PTP4A3: variants seen among roughly 807,000 people sequenced by gnomAD.
PTP4A3 encodes the protein protein tyrosine phosphatase type IVA 3.
A neutral mutation model predicts 15.2 loss-of-function variants in PTP4A3; 9 were observed. The ratio of observed to expected loss-of-function variants is 0.59; its 90% confidence interval spans 0.36 to 1.03. The LOEUF is 1.03. Among genes scored for constraint, PTP4A3 ranks in the 50% least tolerant of loss-of-function variants. The pLI, the probability that PTP4A3 is intolerant of heterozygous loss-of-function variation, is 0.02. For missense variants in PTP4A3, 234 were observed against 252.1 expected, an observed-to-expected ratio of 0.93 and a Z score of 0.49; for synonymous variants, 95 against 102.0, an observed-to-expected ratio of 0.93 and a Z score of 0.41.
At chr8:141,400,280 C>T (rs138542266) in intron 1 of PTP4A3, among the ~76,000 whole-genome samples, 2,977 of 151,594 alleles carry the variant, frequency 0.02, 83 homozygotes, top group African/African-American at 0.066. Context: ...GCCCGGCCCA[C>T]ATCTGTGCCC....
rs954480246 is a variant in PTP4A3 at position 141,422,096 on chromosome 8, G to A, written c.-145G>A. On this transcript the variant is annotated 5_prime_UTR_variant, in exon 2 of 6. Transcript: ENST00000521578. ...GCACAATATTTGTGCGGGGTATGGG[G>A]GTGGGTTTTTAAATCTCGTTTCTCT... The A allele has an allele frequency of 1.4e-6, 1 of 704,692 alleles. No individual in the cohort carries two copies. Among genetic ancestry groups the A allele is most frequent in the South Asian group, 1.8e-5 (1 of 55,748 alleles). 43.7% of individuals were successfully genotyped at this position (704,692 alleles called of 1,614,324 possible).
intron 1 of PTP4A3, among the ~76,000 whole-genome samples, chr8:141,399,061 T>C (rs1427374868): frequency 1.3e-5 from 2 of 151,834 alleles, no homozygotes; most frequent in Non-Finnish European, 2.9e-5. Flanking sequence ...TGGAAGAGGC[T>C]CGGGAGGGCT....
At chr8:141,415,929 C>T (rs540609286) in intron 1 of PTP4A3, among the ~76,000 whole-genome samples, 1 of 151,842 alleles carries the variant, frequency 6.6e-6, no homozygotes, top group Non-Finnish European at 1.5e-5. Flanking sequence ...TCCTGGCCCC[C>T]CTAGCAATGG....
At chr8:141,398,975 C>T (rs1832517563) in intron 1 of PTP4A3, among the ~76,000 whole-genome samples, 1 of 152,142 alleles carries the variant, frequency 6.6e-6, no homozygotes, top group Admixed American at 6.5e-5. Flanking sequence ...CTGTCCCCAT[C>T]TCAGTCCCCT....
chr8:141,412,268 AC>A (rs1344922245), intron 1 of PTP4A3, among the ~76,000 whole-genome samples: 2 of 152,198 alleles, frequency 1.3e-5, no homozygotes, highest in Non-Finnish European at 2.9e-5. Flanking sequence ...CTCAGGGACC[AC>A]AAGCTTCCTG....
intron 5 of PTP4A3, among the ~76,000 whole-genome samples, chr8:141,430,572 C>T (rs370784178): frequency 2.6e-5 from 4 of 152,320 alleles, no homozygotes; most frequent in East Asian, 3.9e-4. Flanking sequence ...ACTCACAGGC[C>T]CCCCTTCCTG....
At chr8:141,417,612 G>A (rs961360346) in intron 1 of PTP4A3, among the ~76,000 whole-genome samples, 1 of 152,090 alleles carries the variant, frequency 6.6e-6, no homozygotes, top group Non-Finnish European at 1.5e-5. Context: ...GGGGCCAGGG[G>A]GAGCTCCGAG....
rs1320897586 is a variant in PTP4A3, at chr8:141,425,188, G to T, written c.198+48G>T. The T allele has an allele frequency of 3.5e-6, 5 of 1,438,666 alleles. 1 individual carries two copies. Among genetic ancestry groups the T allele is most frequent in the East Asian group, 2.3e-5 (1 of 43,044 alleles). The allele number at this position is 1,438,666 out of a possible 1,614,324, so 89.1% of individuals were successfully genotyped here. Reference sequence around the variant, plus strand: ...CCTAGTCACTGCTGCCACCGGGGGAGGGTGGGGCGGGGGGCTCCGGGCCTG... The same window carrying T: ...CCTAGTCACTGCTGCCACCGGGGGATGGTGGGGCGGGGGGCTCCGGGCCTG... On this transcript the variant is annotated intron_variant, in intron 3 of 5. Coordinates refer to ENST00000521578, the MANE Select transcript of PTP4A3 (RefSeq NM_032611.3). This position sits in a 1 kb window ranked among gnomAD's most constrained non-coding sequence, Gnocchi z 4.2.
At chr8:141,415,147 G>A (rs1832990003) in intron 1 of PTP4A3, among the ~76,000 whole-genome samples, 1 of 152,246 alleles carries the variant, frequency 6.6e-6, no homozygotes, top group South Asian at 2.1e-4. Flanking sequence ...GAGTGAAGCC[G>A]GGGCAGGCTG....
chr8:141,419,137 G>C (rs1451335198), intron 1 of PTP4A3, among the ~76,000 whole-genome samples: 2 of 152,142 alleles, frequency 1.3e-5, no homozygotes, highest in Non-Finnish European at 2.9e-5. Flanking sequence ...GGCCTTCAGT[G>C]GGGGGTAGTG....
At chr8:141,426,551 G>C in intron 3 of PTP4A3, 1 of 985,444 alleles carries the variant, frequency 1.0e-6, no homozygotes, top group Non-Finnish European at 1.2e-6. Flanking sequence ...TGCACCAGCC[G>C]ACCCAAAACC....
intron 5 of PTP4A3, among the ~76,000 whole-genome samples, chr8:141,430,065 C>T (rs1393409512): frequency 2.4e-5 from 3 of 125,166 alleles, no homozygotes; most frequent in African/African-American, 1.1e-4. Context: ...AGGGTGAGCG[C>T]ACAGTCCGGG....
In PTP4A3 at chr8:141,422,456, G is replaced by A. The variant is rs1472737305; in HGVS notation, c.105+111G>A. 4.3e-6 allele frequency: 5 copies of A among 1,161,626 alleles called. No individual in the cohort carries two copies. The African/African-American group carries it at 6.1e-5, about 14-fold the overall frequency. 72.0% of individuals were successfully genotyped at this position (1,161,626 alleles called of 1,614,324 possible). ...TCCCCAGCCCCGGCTGGCCAGACAGGGCTCACAGCCTTGGAACAAAGCCCA... is the reference window on the plus strand; with the variant it reads ...TCCCCAGCCCCGGCTGGCCAGACAGAGCTCACAGCCTTGGAACAAAGCCCA... On this transcript the variant is annotated intron_variant, in intron 2 of 5. Transcript: ENST00000521578.
intron 1 of PTP4A3, among the ~76,000 whole-genome samples, chr8:141,419,471 C>T (rs1472996329): frequency 6.6e-6 from 1 of 152,210 alleles, no homozygotes; most frequent in African/African-American, 2.4e-5. Context: ...CACTCAGAGC[C>T]TGTGCTCCCT....
intron 1 of PTP4A3, among the ~76,000 whole-genome samples, chr8:141,420,970 G>A (rs1327798341): frequency 2.6e-5 from 4 of 152,204 alleles, no homozygotes; most frequent in Non-Finnish European, 5.9e-5. Flanking sequence ...AGCTGTCCTG[G>A]GGTGGAGTTT....
At chr8:141,397,324 T>TG (rs1289558706) in intron 1 of PTP4A3, among the ~76,000 whole-genome samples, 1 of 149,232 alleles carries the variant, frequency 6.7e-6, no homozygotes, top group African/African-American at 2.4e-5. Context: ...CTCCAGGCAG[T>TG]GGGGGGCTCT....
intron 1 of PTP4A3, among the ~76,000 whole-genome samples, chr8:141,420,538 C>T (rs1833281695): frequency 6.6e-6 from 1 of 152,190 alleles, no homozygotes; most frequent in Non-Finnish European, 1.5e-5. Context: ...CCCCCCCTGC[C>T]GCCTCCCCTC....
chr8:141,395,178 T>C (rs1011797408), intron 1 of PTP4A3, among the ~76,000 whole-genome samples: 1 of 152,176 alleles, frequency 6.6e-6, no homozygotes, highest in Non-Finnish European at 1.5e-5. Flanking sequence ...TGGGTTCCGA[T>C]GGCCCAGTAG....
chr8:141,392,211 G>T (rs1832300254), intron 1 of PTP4A3, 127 bp downstream of exon 1: 1 of 150,680 alleles, frequency 6.6e-6, no homozygotes, highest in Non-Finnish European at 1.5e-5. Context: ...AGCCGGGAGG[G>T]CCGCCGCCTT....
Sources: allele counts gnomAD v4.1 joint callset (sites outside exome capture counted in the v4.1 genomes callset), GRCh38; gene constraint gnomAD v4.1.1; non-coding constraint Gnocchi (gnomAD v3.1); transcripts MANE v1.5; gene names NCBI Gene and HGNC (gene_info 2026-07-23, HGNC 2026-07-21).